GK5: variants seen among roughly 807,000 people sequenced by gnomAD.
GK5 encodes the protein glycerol kinase 5.
In GK5, 39 loss-of-function variants were observed where a neutral mutation model predicts 77.3. The ratio of observed to expected loss-of-function variants is 0.50; its 90% CI spans 0.39 to 0.66. The LOEUF is 0.66. Among genes scored for constraint, GK5 ranks in the 30% least tolerant of loss-of-function variants. The pLI is 0.00. For synonymous variants in GK5, 211 were observed against 208.0 expected (o/e 1.01, Z -0.13); for missense variants, 487 against 633.8 (o/e 0.77, Z 2.49).
intron 5 of GK5, among the ~76,000 whole-genome samples, chr3:142,197,889 G>A (rs1020712229): frequency 2.6e-5 from 4 of 152,052 alleles, no homozygotes; most frequent in African/African-American, 9.7e-5. Context: ...TGGGCATGGT[G>A]GCATGCGCCT....
chr3:142,198,667 A>G (rs776858127), intron 5 of GK5, 135 bp downstream of exon 5: 108 of 708,560 alleles, frequency 1.5e-4, no homozygotes, highest in Middle Eastern at 3.4e-4. Context: ...TTCCATTCCA[A>G]TATGTGGTAG....
At chr3:142,216,336 A>G (rs556732646) in intron 1 of GK5, among the ~76,000 whole-genome samples, 7 of 152,200 alleles carry the variant, frequency 4.6e-5, no homozygotes, top group Non-Finnish European at 1.0e-4. Flanking sequence ...TAACACTCAG[A>G]GGAAATGGGG....
intron 3 of GK5, among the ~76,000 whole-genome samples, chr3:142,211,491 C>A (rs1358437722): frequency 6.6e-6 from 1 of 151,908 alleles, no homozygotes; most frequent in Non-Finnish European, 1.5e-5. Flanking sequence ...GCAGCATGTC[C>A]TGAAAAAAAA....
intron 11 of GK5, among the ~76,000 whole-genome samples, chr3:142,179,263 C>T (rs2063662456): frequency 6.6e-6 from 1 of 152,174 alleles, no homozygotes. Flanking sequence ...TAATGAGGAT[C>T]ACTCAATAAT....
intron 15 of GK5, 174 bp downstream of exon 15, chr3:142,170,151 T>A (rs1164376756): frequency 2.7e-6 from 2 of 741,530 alleles, no homozygotes; most frequent in Non-Finnish European, 4.9e-6. Flanking sequence ...GCAACCAGAC[T>A]CACCAACAGA....
At chr3:142,207,188 G>C (rs1267935045) in intron 3 of GK5, among the ~76,000 whole-genome samples, 1 of 152,194 alleles carries the variant, frequency 6.6e-6, no homozygotes, top group African/African-American at 2.4e-5. Flanking sequence ...TCTGGGAATG[G>C]AATGTGACCC....
chr3:142,191,231 T>C (rs1222433127), intron 5 of GK5, among the ~76,000 whole-genome samples: 2 of 151,912 alleles, frequency 1.3e-5, no homozygotes, highest in East Asian at 3.9e-4. Context: ...GGTTTCACCA[T>C]ATTGGCCAGA....
At chr3:142,176,082 T>C (rs918292056) in intron 12 of GK5, among the ~76,000 whole-genome samples, 2 of 152,090 alleles carry the variant, frequency 1.3e-5, no homozygotes, top group African/African-American at 4.8e-5. Flanking sequence ...TGATAGGTGC[T>C]ATTTAGAGGT....
At chr3:142,203,729 G>A (rs2064062618) in intron 4 of GK5, among the ~76,000 whole-genome samples, 1 of 152,050 alleles carries the variant, frequency 6.6e-6, no homozygotes, top group Non-Finnish European at 1.5e-5. Flanking sequence ...AGCTGAGATC[G>A]CGCCACTGCA....
At chr3:142,212,101 G>A (rs191719278) in intron 3 of GK5, among the ~76,000 whole-genome samples, 12 of 152,208 alleles carry the variant, frequency 7.9e-5, no homozygotes, top group Non-Finnish European at 1.8e-4. Context: ...ATATTTTTCA[G>A]ATTCATCTTT....
At chr3:142,197,029 T>C (rs1456830012) in intron 5 of GK5, among the ~76,000 whole-genome samples, 3 of 151,684 alleles carry the variant, frequency 2.0e-5, no homozygotes, top group East Asian at 1.9e-4. Flanking sequence ...CTACTAAACA[T>C]ACAAAAAATT....
At chr3:142,225,234 T>A in intron 1 of GK5, 75 bp downstream of exon 1, 1 of 1,413,228 alleles carries the variant, frequency 7.1e-7, no homozygotes, top group Admixed American at 2.7e-5. Context: ...GCCTGCCCGC[T>A]CGCCTCCCGA....
chr3:142,188,564 T>C (rs1226115876), intron 5 of GK5, among the ~76,000 whole-genome samples: 1 of 152,242 alleles, frequency 6.6e-6, no homozygotes, highest in East Asian at 1.9e-4. Flanking sequence ...AAAGCTGGGA[T>C]GGCATACTAT....
chr3:142,224,945 C>T (rs1274377789), intron 1 of GK5, among the ~76,000 whole-genome samples: 1 of 152,192 alleles, frequency 6.6e-6, no homozygotes, highest in African/African-American at 2.4e-5. Flanking sequence ...CACAAACCAC[C>T]CTCTGGCTGG....
intron 11 of GK5, among the ~76,000 whole-genome samples, chr3:142,180,296 CTTTCT>C (rs2063676687): frequency 6.6e-6 from 1 of 151,590 alleles, no homozygotes; most frequent in Non-Finnish European, 1.5e-5. Flanking sequence ...TGCTTTCCCT[CTTTCT>C]TTTTTCTTTT....
Position 142,185,345 on chromosome 3 carries a change from C to T in GK5, c.816+584G>A, listed in dbSNP as rs146088261. On this transcript the variant is annotated intron_variant, in intron 9 of 15. Transcript: ENST00000392993. ...GAAGAATCACCTGAGCCCAGGAAGC[C>T]GAGGCTGCAGTGAGGCATGATTATA... 5.1e-4 allele frequency: 202 copies of T among 395,356 alleles called. 2 individuals are homozygous for T. Among genetic ancestry groups the T allele is most frequent in the African/African-American group, 4.1e-3 (185 of 45,254 alleles). The allele number at this position is 395,356 out of a possible 1,614,324, so 24.5% of individuals were successfully genotyped here.
At chr3:142,202,017 G>C (rs4630960) in intron 4 of GK5, among the ~76,000 whole-genome samples, 61,451 of 151,922 alleles carry the variant, frequency 0.4, 12,577 homozygotes, top group Non-Finnish European at 0.43. Flanking sequence ...AGATGAGAAG[G>C]ATCCAGCCAC....
At chr3:142,225,203 G>T in intron 1 of GK5, 106 bp downstream of exon 1, 1 of 1,249,388 alleles carries the variant, frequency 8.0e-7, no homozygotes, top group Non-Finnish European at 1.1e-6. Flanking sequence ...GCAGGTGGCC[G>T]CGTCCAGGGC....
intron 1 of GK5, among the ~76,000 whole-genome samples, chr3:142,216,441 G>A (rs1164398939): frequency 6.6e-6 from 1 of 152,174 alleles, no homozygotes; most frequent in East Asian, 1.9e-4. Context: ...TGGTATCGGT[G>A]CGTCTCAACA....
Sources: gnomAD v4.1 joint callset for allele counts (sites outside exome capture counted in the v4.1 genomes callset) on GRCh38, gnomAD v4.1.1 for gene constraint, MANE v1.5 for transcripts, NCBI Gene and HGNC (gene_info 2026-07-23, HGNC 2026-07-21) for gene names.